The following TAMM41 variants were observed in gnomAD, a reference collection of about 807,000 sequenced individuals.
The protein encoded by TAMM41 is phosphatidate cytidylyltransferase, mitochondrial.
Under a neutral mutation model 44.1 loss-of-function variants are expected in TAMM41, and 36 were observed. That is an observed-to-expected ratio of 0.82 (90% CI 0.63 to 1.08). The LOEUF is 1.08. Ranked by LOEUF, TAMM41 falls within the 50% of genes least tolerant of loss-of-function variation. The probability of loss-of-function intolerance (pLI) is 0.00; values close to 1 mark genes in which losing one functional copy is unlikely to be tolerated. For missense variants in TAMM41, 417 were observed against 404.3 expected (o/e 1.03, Z -0.27); for synonymous variants, 164 against 153.1 (o/e 1.07, Z -0.53).
the TAMM41 span, among the ~76,000 whole-genome samples, chr3:11,774,448 G>A: frequency 1.3e-5 from 2 of 152,150 alleles, no homozygotes; most frequent in Non-Finnish European, 2.9e-5. Context: ...TACCTAGATG[G>A]CCAGGCTAGC....
the TAMM41 span, among the ~76,000 whole-genome samples, chr3:11,741,380 C>G: frequency 6.7e-6 from 1 of 149,306 alleles, no homozygotes; most frequent in South Asian, 2.1e-4. Flanking sequence ...GCACTGAATC[C>G]CATTCATGAA....
the TAMM41 span, among the ~76,000 whole-genome samples, chr3:11,754,246 G>A: frequency 1.6e-3 from 239 of 152,200 alleles, 2 homozygotes; most frequent in South Asian, 2.7e-3. Context: ...CACTCCCTGT[G>A]TCTCCAGCTC....
the TAMM41 span, among the ~76,000 whole-genome samples, chr3:11,754,708 C>CTTTTT: frequency 1.1e-4 from 11 of 103,560 alleles, no homozygotes; most frequent in South Asian, 3.6e-4. Context: ...TCTCAGATCT[C>CTTTTT]TTTTTTTTTT....
chr3:11,742,012 G>C, the TAMM41 span, among the ~76,000 whole-genome samples: 3 of 150,142 alleles, frequency 2.0e-5, 1 homozygote, highest in African/African-American at 7.6e-5. Flanking sequence ...TCGGTTTAAA[G>C]GGTATGGGAT....
intron 4 of TAMM41, among the ~76,000 whole-genome samples, chr3:11,818,666 G>C (rs1027895069): frequency 1.3e-5 from 2 of 152,096 alleles, no homozygotes; most frequent in Non-Finnish European, 2.9e-5. Flanking sequence ...GGAAGCCGAG[G>C]CAGGCGGATC....
At chr3:11,764,616 C>T in the TAMM41 span, among the ~76,000 whole-genome samples, 237 of 150,924 alleles carry the variant, frequency 1.6e-3, 2 homozygotes, top group African/African-American at 4.0e-3. Flanking sequence ...CCTCAGCCTC[C>T]TGAGCAGCTG....
At chr3:11,806,295 C>T (rs914361457) in intron 7 of TAMM41, among the ~76,000 whole-genome samples, 3 of 152,204 alleles carry the variant, frequency 2.0e-5, no homozygotes, top group Admixed American at 6.5e-5. Context: ...AAGTCTATCA[C>T]TTGATGATGC....
At chr3:11,796,857 TACA>T (rs976425994) in intron 7 of TAMM41, among the ~76,000 whole-genome samples, 18 of 146,390 alleles carry the variant, frequency 1.2e-4, no homozygotes, top group African/African-American at 3.9e-4. Flanking sequence ...AGCATTCCAA[TACA>T]ACAACAACAG....
the TAMM41 span, among the ~76,000 whole-genome samples, chr3:11,767,625 C>CTTTTTTTTTTTTTTTTTT: frequency 1.6e-3 from 44 of 27,884 alleles, 1 homozygote; most frequent in Non-Finnish European, 2.3e-3. Context: ...ACACGTTGTG[C>CTTTTTTTTTTTTTTTTTT]ATTTTTTTTT....
chr3:11,788,227 A>G (rs895396781), downstream of TAMM41, among the ~76,000 whole-genome samples: 82 of 152,230 alleles, frequency 5.4e-4, no homozygotes, highest in Non-Finnish European at 1.8e-4. Flanking sequence ...AAGCTCTATC[A>G]GATACAGAGG....
the TAMM41 span, among the ~76,000 whole-genome samples, chr3:11,770,656 G>A: frequency 3.9e-5 from 6 of 152,268 alleles, no homozygotes; most frequent in Middle Eastern, 3.4e-3. Context: ...GGTCAGGAAC[G>A]ATTGGCTGGC....
the TAMM41 span, among the ~76,000 whole-genome samples, chr3:11,743,854 C>A: frequency 2.6e-5 from 4 of 152,212 alleles, no homozygotes; most frequent in East Asian, 7.8e-4. Context: ...TACCTGCCTC[C>A]CTCATGGAAC....
At chr3:11,801,478 C>T (rs2077752737) in intron 7 of TAMM41, among the ~76,000 whole-genome samples, 1 of 152,072 alleles carries the variant, frequency 6.6e-6, no homozygotes. Flanking sequence ...GCACATACCA[C>T]CATGCACAGC....
At chr3:11,741,405 G>A in the TAMM41 span, among the ~76,000 whole-genome samples, 2 of 148,954 alleles carry the variant, frequency 1.3e-5, no homozygotes, top group African/African-American at 5.2e-5. Flanking sequence ...GACTCCTCAT[G>A]ACTCAGTCAC....
chr3:11,831,777 C>T (rs1015547134), intron 3 of TAMM41, among the ~76,000 whole-genome samples: 2 of 152,158 alleles, frequency 1.3e-5, no homozygotes, highest in Non-Finnish European at 2.9e-5. Context: ...GCTTCAGAAT[C>T]TGAATTCTTT....
the TAMM41 span, among the ~76,000 whole-genome samples, chr3:11,739,644 C>A: frequency 7.8e-6 from 1 of 128,636 alleles, no homozygotes; most frequent in African/African-American, 3.1e-5. Flanking sequence ...TGCACTCCAG[C>A]CTGGGCAACA....
At chr3:11,723,328 C>G in the TAMM41 span, among the ~76,000 whole-genome samples, 1 of 151,968 alleles carries the variant, frequency 6.6e-6, no homozygotes, top group Admixed American at 6.6e-5. Context: ...GCCTGTATTC[C>G]CAGCACTTTG....
At chr3:11,769,128 G>A in the TAMM41 span, among the ~76,000 whole-genome samples, 1 of 152,110 alleles carries the variant, frequency 6.6e-6, no homozygotes, top group Non-Finnish European at 1.5e-5. Flanking sequence ...CTCACTCTGC[G>A]CCCAGGCTGG....
chr3:11,751,314 A>T, the TAMM41 span, among the ~76,000 whole-genome samples: 1 of 151,456 alleles, frequency 6.6e-6, no homozygotes, highest in Admixed American at 6.6e-5. Flanking sequence ...CTGGTCTCGA[A>T]CTCCCGACCT....
Sources: allele counts gnomAD v4.1 joint callset (sites outside exome capture counted in the v4.1 genomes callset), GRCh38; gene constraint gnomAD v4.1.1; transcripts MANE v1.5; gene names NCBI Gene and HGNC (gene_info 2026-07-23, HGNC 2026-07-21).